Variants in TECPR2 observed in about 807,000 individuals in gnomAD.
The protein encoded by TECPR2 is tectonin beta-propeller repeat containing 2.
TECPR2 carries 65 observed loss-of-function variants against 138.1 expected under a neutral mutation model. That is an observed-to-expected ratio of 0.47 (90% CI 0.39 to 0.58). TECPR2 has a LOEUF of 0.58. Ranked by LOEUF, TECPR2 falls within the 20% of genes least tolerant of loss-of-function variation. The pLI, the probability that TECPR2 is intolerant of heterozygous loss-of-function variation, is 0.00. For missense variants in TECPR2, 1,553 were observed against 1,824.5 expected (o/e 0.85, Z 2.71); for synonymous variants, 746 against 749.8 (o/e 0.99, Z 0.08).
intron 4 of TECPR2, among the ~76,000 whole-genome samples, chr14:102,411,725 A>AAAAAAAAAAAAAAAAAAAAAAAAAT (rs1888875301): frequency 7.5e-6 from 1 of 132,646 alleles, no homozygotes. Context: ...AAAAAAAAAA[A>AAAAAAAAAAAAAAAAAAAAAAAAAT]AAAAAAGAAG....
rs1889591973 is a variant in TECPR2 at position 102,434,255 on chromosome 14, T to G, written c.1438T>G (p.Cys480Gly). The G allele has an allele frequency of 2.9e-6, 4 of 1,375,856 alleles. No individual in the cohort carries two copies. Among genetic ancestry groups the G allele is most frequent in the Non-Finnish European group, 3.8e-6 (4 of 1,058,388 alleles). 85.2% of individuals were successfully genotyped at this position (1,375,856 alleles called of 1,614,324 possible). A position where few individuals can be genotyped will look rare whatever the true frequency, so the allele number is the denominator to read the frequency against. ...ATTAGAAGGTGGAAGCAGGAGCACCTGTCACAGCTCCCTGGAATCGACACC... is the reference window on the plus strand; with the variant it reads ...ATTAGAAGGTGGAAGCAGGAGCACCGGTCACAGCTCCCTGGAATCGACACC... ...KKTEGGSRST[C>G]HSSLESTPCS... The change falls in exon 9 of 20, where the codon TGT (cysteine) becomes GGT (glycine). Residue 480 changes from cysteine (C) to glycine (G), a missense_variant. By Grantham distance (159) the Cys-to-Gly change is radical (BLOSUM62 -3). Transcript: ENST00000359520.
At position 102,465,128 on chromosome 14, in the gene TECPR2, T is replaced by TCCTTA; in HGVS notation, c.3641-12_3641-11insCTTAC. 1 of 1,613,962 alleles carries TCCTTA rather than the reference T, an allele frequency of 6.2e-7. No individual in the cohort carries two copies. The highest frequency in any genetic ancestry group is 1.1e-5 in the South Asian group (1 of 91,068). On this transcript the variant is annotated splice_polypyrimidine_tract_variant and intron_variant, in intron 16 of 19. Transcript: ENST00000359520. Reference sequence around the variant, plus strand: ...AAAGTAATTATAGTGTGTGTACTTTTCTTTATCTACAGGAGCTGTAAAATT... The same window carrying TCCTTA: ...AAAGTAATTATAGTGTGTGTACTTTTCCTTACTTTATCTACAGGAGCTGTAAAATT...
In TECPR2 at chr14:102,376,646, G is replaced by A. The variant is rs1007234415; in HGVS notation, c.-72-4G>A. On this transcript the variant is annotated splice_polypyrimidine_tract_variant and splice_region_variant and intron_variant, in intron 1 of 19. Coordinates refer to ENST00000359520, the MANE Select transcript of TECPR2 (RefSeq NM_014844.5). ...TGAAAGGATTGTAATGCTTTGTTCTGTAGCCCCCAGGTTTCCCTAGATGAC... is the reference window on the plus strand; with the variant it reads ...TGAAAGGATTGTAATGCTTTGTTCTATAGCCCCCAGGTTTCCCTAGATGAC... The A allele has an allele frequency of 5.2e-6, 7 of 1,344,910 alleles. No individual in the cohort carries two copies. In the African/African-American group the frequency reaches 8.6e-5, roughly 17 times the overall value. 83.3% of individuals were successfully genotyped at this position (1,344,910 alleles called of 1,614,324 possible). A position where few individuals can be genotyped will look rare whatever the true frequency, so the allele number is the denominator to read the frequency against.
At chr14:102,384,010 T>C (rs1206680249) in intron 2 of TECPR2, among the ~76,000 whole-genome samples, 2 of 150,692 alleles carry the variant, frequency 1.3e-5, no homozygotes, top group African/African-American at 4.9e-5. Context: ...AAACTCTGCC[T>C]CCCGATTCAA....
chr14:102,410,171 T>G (rs997169012), intron 4 of TECPR2, among the ~76,000 whole-genome samples: 2 of 152,236 alleles, frequency 1.3e-5, no homozygotes, highest in Non-Finnish European at 1.5e-5. Flanking sequence ...AAGTGACATA[T>G]TTTGTGAAAA....
chr14:102,449,119 A>G (rs1384334632), intron 13 of TECPR2, among the ~76,000 whole-genome samples: 2 of 152,130 alleles, frequency 1.3e-5, no homozygotes, highest in Admixed American at 6.5e-5. Context: ...AAAATTGGCT[A>G]CATGTAGTAG....
intron 1 of TECPR2, among the ~76,000 whole-genome samples, chr14:102,369,713 G>A (rs1045129946): frequency 7.9e-5 from 12 of 152,062 alleles, no homozygotes; most frequent in Non-Finnish European, 1.6e-4. Flanking sequence ...AGGCCGAGGC[G>A]GGTGGATCAC....
chr14:102,380,871 G>C (rs1005830030), intron 2 of TECPR2, among the ~76,000 whole-genome samples: 6 of 151,910 alleles, frequency 3.9e-5, no homozygotes, highest in Non-Finnish European at 8.8e-5. Flanking sequence ...GTAGAGACGG[G>C]GTTTCACCAT....
At chr14:102,453,650 A>G (rs1198088168) in intron 16 of TECPR2, among the ~76,000 whole-genome samples, 1 of 152,166 alleles carries the variant, frequency 6.6e-6, no homozygotes, top group Non-Finnish European at 1.5e-5. Flanking sequence ...GGAGTTGTGC[A>G]GATGGCCCCC....
intron 17 of TECPR2, among the ~76,000 whole-genome samples, chr14:102,467,841 TC>T (rs1412244174): frequency 6.6e-6 from 1 of 151,034 alleles, no homozygotes; most frequent in Non-Finnish European, 1.5e-5. Context: ...GTTCCTTTTT[TC>T]TTTTTTTTTT....
rs1221662029 is a variant in TECPR2 at position 102,415,342 on chromosome 14, G to T, written c.638+549G>T. Among the ~76,000 whole-genome samples the T allele has an allele frequency of 2.0e-5, 3 of 152,196 alleles. No individual in the cohort carries two copies. In the East Asian group the frequency reaches 5.8e-4, roughly 29 times the overall value. ...GCTGTGTGAGTTTAGACACACTTTT[G>T]TCCAGGTGAAGGGTCAGGGAAGACA... On this transcript the variant is annotated intron_variant, in intron 5 of 19. Coordinates refer to ENST00000359520, the MANE Select transcript of TECPR2 (RefSeq NM_014844.5). The surrounding 1 kb of genome is among the most constrained non-coding windows in gnomAD (Gnocchi z 4.3).
intron 13 of TECPR2, among the ~76,000 whole-genome samples, chr14:102,449,342 G>A (rs1890075786): frequency 6.6e-6 from 1 of 152,248 alleles, no homozygotes; most frequent in Admixed American, 6.5e-5. Context: ...ATACATGCTT[G>A]TAACAGATCC....
chr14:102,409,370 G>C (rs1031476245), intron 4 of TECPR2, among the ~76,000 whole-genome samples: 4 of 151,828 alleles, frequency 2.6e-5, no homozygotes, highest in Admixed American at 6.6e-5. Context: ...CCCAATCTCG[G>C]CTTGTGACAA....
At chr14:102,484,498 G>A (rs1303520721) in intron 17 of TECPR2, among the ~76,000 whole-genome samples, 1 of 152,150 alleles carries the variant, frequency 6.6e-6, no homozygotes, top group Non-Finnish European at 1.5e-5. Context: ...GAGCCTGTGG[G>A]CCCCGCGGGT....
In TECPR2 at chr14:102,440,338, T is replaced by G. The variant is rs1595127378; in HGVS notation, c.2579-98T>G. On this transcript the variant is annotated intron_variant, in intron 10 of 19. Coordinates refer to ENST00000359520, the MANE Select transcript of TECPR2 (RefSeq NM_014844.5). ...TGGGGGGACAGAACAGGATGTGTTTTAGAAATCTTTCTCCCCTCAATGCCC... is the reference window on the plus strand; with the variant it reads ...TGGGGGGACAGAACAGGATGTGTTTGAGAAATCTTTCTCCCCTCAATGCCC... The G allele has an allele frequency of 2.7e-6, 4 of 1,487,134 alleles. No homozygotes were observed. The East Asian group carries it at 9.1e-5, about 34-fold the overall frequency. The allele number at this position is 1,487,134 out of a possible 1,614,324, so 92.1% of individuals were successfully genotyped here.
intron 17 of TECPR2, among the ~76,000 whole-genome samples, chr14:102,494,837 A>C (rs7155679): frequency 0.01 from 1,553 of 151,454 alleles, 29 homozygotes; most frequent in African/African-American, 0.036. Flanking sequence ...AAAAAAAAAA[A>C]AAAAACTAAA....
At chr14:102,491,590 GC>G (rs1489022864) in intron 17 of TECPR2, among the ~76,000 whole-genome samples, 1 of 152,180 alleles carries the variant, frequency 6.6e-6, no homozygotes, top group Middle Eastern at 3.2e-3. Context: ...TCAGCCTGAA[GC>G]CTGCCATCAG....
At chr14:102,438,310 T>C in intron 10 of TECPR2, 105 bp downstream of exon 10, 8 of 1,370,826 alleles carry the variant, frequency 5.8e-6, no homozygotes, top group Non-Finnish European at 7.7e-6. Context: ...CTGCAGCAGC[T>C]CTGGGCTCAC....
intron 17 of TECPR2, among the ~76,000 whole-genome samples, chr14:102,493,540 A>G (rs1043701839): frequency 1.3e-4 from 20 of 152,248 alleles, no homozygotes; most frequent in African/African-American, 4.3e-4. Flanking sequence ...ATGTATGGAA[A>G]GGGGGTTCCA....
Sources: gnomAD v4.1 joint callset for allele counts (sites outside exome capture counted in the v4.1 genomes callset) on GRCh38, gnomAD v4.1.1 for gene constraint, Gnocchi (gnomAD v3.1) non-coding constraint, MANE v1.5 for transcripts, NCBI Gene and HGNC (gene_info 2026-07-23, HGNC 2026-07-21) for gene names.